The following YTHDF2 variants were observed in gnomAD, a reference collection of about 807,000 sequenced individuals.
YTHDF2 encodes the protein YTH N6-methyladenosine RNA binding protein F2, also known as YTH domain-containing family protein 2.
Under a neutral mutation model 50.4 loss-of-function variants are expected in YTHDF2, and 2 were observed. The observed-to-expected ratio is 0.04, with a 90% CI of 0.02 to 0.12. The LOEUF (loss-of-function observed/expected upper bound fraction) is 0.12, where lower values mean the gene tolerates loss of function less well. Ranked by LOEUF, YTHDF2 falls within the 10% of genes least tolerant of loss-of-function variation. YTHDF2 has a pLI of 1.00. For missense variants in YTHDF2, 483 were observed against 722.6 expected (o/e 0.67, Z 3.80); for synonymous variants, 217 against 255.6 (o/e 0.85, Z 1.44).
intron 3 of YTHDF2, 84 bp downstream of exon 3, chr1:28,738,422 A>G: frequency 8.3e-7 from 1 of 1,201,468 alleles, no homozygotes; most frequent in Non-Finnish European, 1.2e-6. Flanking sequence ...CCATTTTCTG[A>G]GGATTCATTT....
At chr1:28,752,291 G>T (rs2087967548) in intron 4 of YTHDF2, among the ~76,000 whole-genome samples, 1 of 104,798 alleles carries the variant, frequency 9.5e-6, no homozygotes, top group Non-Finnish European at 2.0e-5. Context: ...ATCAGCTGTG[G>T]TGTTTTTGTT....
At chr1:28,761,956 T>C (rs940401273) in intron 4 of YTHDF2, among the ~76,000 whole-genome samples, 1 of 152,222 alleles carries the variant, frequency 6.6e-6, no homozygotes, top group African/African-American at 2.4e-5. Context: ...ACTTGATGTT[T>C]CATATATATA....
intron 4 of YTHDF2, among the ~76,000 whole-genome samples, chr1:28,755,210 C>T (rs1019005033): frequency 3.9e-5 from 6 of 152,012 alleles, no homozygotes; most frequent in Non-Finnish European, 8.8e-5. Flanking sequence ...GTTTCAGGTG[C>T]CTGTGATAGT....
At chr1:28,764,649 C>G (rs1199560813) in intron 4 of YTHDF2, among the ~76,000 whole-genome samples, 1 of 140,916 alleles carries the variant, frequency 7.1e-6, no homozygotes, top group Non-Finnish European at 1.5e-5. Flanking sequence ...CCTCGTGATC[C>G]ACCCACCTCG....
Position 28,737,900 on chromosome 1 carries a change from G to A in YTHDF2, c.52+218G>A, listed in dbSNP as rs181317156. ...AATTCATTAAGGGTGGGGGTGGATT[G>A]GGTTTTGAAACGCTCCAGGTCCTTA... On this transcript the variant is annotated intron_variant, in intron 2 of 4. Transcript: ENST00000373812. The A allele has an allele frequency of 6.5e-5, 40 of 612,008 alleles. No homozygotes were observed. In the Admixed American group the frequency reaches 1.2e-3, roughly 18 times the overall value. 37.9% of individuals were successfully genotyped at this position (612,008 alleles called of 1,614,324 possible).
intron 4 of YTHDF2, among the ~76,000 whole-genome samples, chr1:28,758,502 C>T (rs2088067007): frequency 6.6e-6 from 1 of 152,074 alleles, no homozygotes; most frequent in African/African-American, 2.4e-5. Context: ...TTTAATTTTC[C>T]CATCACAAGT....
intron 4 of YTHDF2, among the ~76,000 whole-genome samples, chr1:28,749,233 C>A (rs970744358): frequency 1.4e-5 from 2 of 138,784 alleles, no homozygotes; most frequent in South Asian, 4.4e-4. Context: ...GCTCTGTCGT[C>A]CAGGCGGGAG....
chr1:28,747,523 TAAA>T (rs57710499), intron 4 of YTHDF2, among the ~76,000 whole-genome samples: 1 of 119,936 alleles, frequency 8.3e-6, no homozygotes. Context: ...AAAACTTGTC[TAAA>T]AAAAAAAAAA....
At chr1:28,759,045 C>T (rs1188257221) in intron 4 of YTHDF2, among the ~76,000 whole-genome samples, 1 of 152,080 alleles carries the variant, frequency 6.6e-6, no homozygotes, top group Non-Finnish European at 1.5e-5. Flanking sequence ...AGAAGTTTTT[C>T]AGTTAGTACA....
intron 4 of YTHDF2, 138 bp from the exon 5 acceptor site, chr1:28,768,791 A>G: frequency 1.7e-6 from 1 of 605,392 alleles, no homozygotes; most frequent in Non-Finnish European, 2.6e-6. Flanking sequence ...TTTGTGGGGA[A>G]TGTTCTACTT....
intron 4 of YTHDF2, among the ~76,000 whole-genome samples, chr1:28,747,326 C>T (rs1003221630): frequency 6.6e-6 from 1 of 151,544 alleles, no homozygotes; most frequent in Non-Finnish European, 1.5e-5. Context: ...AATCCCAGCA[C>T]TTTGGGAGGC....
At chr1:28,767,772 T>C (rs1445692635) in intron 4 of YTHDF2, among the ~76,000 whole-genome samples, 1 of 144,040 alleles carries the variant, frequency 6.9e-6, no homozygotes, top group Non-Finnish European at 1.5e-5. Flanking sequence ...CCTCCCAAAG[T>C]GCTGGGACTA....
At position 28,743,880 on chromosome 1, in the gene YTHDF2, C is replaced by G; in HGVS notation, c.1610C>G (p.Ala537Gly). ...RDTQEVPLEKAKQVLKIIASY... is the reference protein window; with the variant it reads ...RDTQEVPLEKGKQVLKIIASY... ...ACTCAGGAAGTGCCTCTGGAAAAGG[C>G]TAAGCAGGTGTTGAAAATTATAGCC... is the stretch of plus-strand genomic sequence containing the variant. The change falls in exon 4 of 5, where the codon GCT becomes GGT. Residue 537 changes from alanine to glycine, a missense_variant. Transcript: ENST00000373812. The surrounding 1 kb of genome is among the most constrained non-coding windows in gnomAD (Gnocchi z 6.9). 1 of 1,612,274 alleles carries G rather than the reference C, an allele frequency of 6.2e-7. No homozygotes were observed. Among genetic ancestry groups the G allele is most frequent in the Non-Finnish European group, 8.5e-7 (1 of 1,179,402 alleles).
chr1:28,742,646 C>G lies in YTHDF2; in HGVS notation c.376C>G (p.Pro126Ala), dbSNP rs2087794139. Residue 126 changes from proline to alanine, a missense_variant, in exon 4 of 5, where the codon CCC becomes GCC. Around this residue, in one of 4 missense-constraint regions of YTHDF2, gnomAD observed 385 missense variants for 475.8 expected, o/e 0.81. Transcript: ENST00000373812. ...FLGQHGFNFF[P>A]SGIDFSAWGN... ...TGGTCAGCATGGTTTTAATTTCTTT[C>G]CCAGTGGGATTGACTTCTCAGCATG... 1 of 1,613,998 alleles carries G rather than the reference C, an allele frequency of 6.2e-7. No individual in the cohort carries two copies. Among genetic ancestry groups the G allele is most frequent in the Non-Finnish European group, 8.5e-7 (1 of 1,180,018 alleles).
chr1:28,744,575 G>A (rs1469984027), intron 4 of YTHDF2, among the ~76,000 whole-genome samples: 1 of 152,218 alleles, frequency 6.6e-6, no homozygotes, highest in Non-Finnish European at 1.5e-5. Flanking sequence ...GAAAGAGTTG[G>A]TAGCGTTTGC....
At chr1:28,752,295 T>TG (rs1557545831) in intron 4 of YTHDF2, among the ~76,000 whole-genome samples, 1 of 99,946 alleles carries the variant, frequency 1.0e-5, no homozygotes. Context: ...GCTGTGGTGT[T>TG]TTTGTTGTTG....
intron 4 of YTHDF2, among the ~76,000 whole-genome samples, chr1:28,763,961 T>TA (rs971443594): frequency 2.7e-5 from 4 of 150,290 alleles, no homozygotes; most frequent in Admixed American, 1.3e-4. Context: ...TATTTTATTT[T>TA]TTTTTGAGAC....
chr1:28,752,670 T>C (rs2087974035), intron 4 of YTHDF2, among the ~76,000 whole-genome samples: 1 of 152,158 alleles, frequency 6.6e-6, no homozygotes, highest in Non-Finnish European at 1.5e-5. Flanking sequence ...TTGTCTAGAC[T>C]TCATAGTGAT....
chr1:28,737,064 C>T lies in YTHDF2; in HGVS notation c.-57C>T, dbSNP rs941227003. The T allele has an allele frequency of 6.4e-7, 1 of 1,558,224 alleles. No homozygotes were observed. The highest frequency in any genetic ancestry group is 1.2e-5 in the South Asian group (1 of 85,242). ...TCCCGCAGACGGGGCTCATCTGCCG[C>T]CGCCGCCGCGCTGAGGAGAGTTCGC... On this transcript the variant is annotated 5_prime_UTR_variant, in exon 1 of 5. Coordinates refer to ENST00000373812, the MANE Select transcript of YTHDF2 (RefSeq NM_016258.3).
Sources: allele counts gnomAD v4.1 joint callset (sites outside exome capture counted in the v4.1 genomes callset), GRCh38; gene constraint gnomAD v4.1.1; regional missense constraint gnomAD v4.1.1; non-coding constraint Gnocchi (gnomAD v3.1); transcripts MANE v1.5; gene names NCBI Gene and HGNC (gene_info 2026-07-23, HGNC 2026-07-21).